The following DIP2C variants were observed in gnomAD, a reference collection of about 807,000 sequenced individuals.
DIP2C encodes the protein DIP2 acetate--CoA ligase C (putative).
DIP2C carries 33 observed loss-of-function variants against 192.4 expected under a neutral mutation model. That is an observed-to-expected ratio of 0.17 (90% confidence interval 0.13 to 0.23). The LOEUF is 0.23. Among genes scored for constraint, DIP2C ranks in the 10% least tolerant of loss-of-function variants. DIP2C has a pLI of 1.00. For synonymous variants in DIP2C, 979 were observed against 864.1 expected, an observed-to-expected ratio of 1.13 and a Z score of -2.33; for missense variants, 1,537 against 2,110.1, an observed-to-expected ratio of 0.73 and a Z score of 5.32.
intron 28 of DIP2C, among the ~76,000 whole-genome samples, chr10:342,649 C>T (rs998393608): frequency 3.3e-5 from 5 of 152,150 alleles, no homozygotes; most frequent in African/African-American, 1.2e-4. Flanking sequence ...TGAAGGCTCA[C>T]AGAAGTTAAA....
chr10:504,873 G>A (rs1376108641), intron 1 of DIP2C, among the ~76,000 whole-genome samples: 4 of 152,088 alleles, frequency 2.6e-5, no homozygotes, highest in African/African-American at 7.2e-5. Context: ...CAGCGGTGCT[G>A]ACCCCGTCAT....
At chr10:600,385 G>A (rs751076571) in intron 1 of DIP2C, among the ~76,000 whole-genome samples, 11 of 151,830 alleles carry the variant, frequency 7.2e-5, no homozygotes, top group Non-Finnish European at 1.2e-4. Context: ...GCCTGAATGT[G>A]GGAACATGGA....
chr10:623,931 TAC>T (rs1854037354), intron 1 of DIP2C, among the ~76,000 whole-genome samples: 1 of 152,192 alleles, frequency 6.6e-6, no homozygotes, highest in African/African-American at 2.4e-5. Flanking sequence ...TCACAGATTA[TAC>T]AGTCATTAAA....
chr10:528,060 G>A (rs913746348), intron 1 of DIP2C, among the ~76,000 whole-genome samples: 1 of 152,166 alleles, frequency 6.6e-6, no homozygotes, highest in South Asian at 2.1e-4. Context: ...TGTAGGGCAG[G>A]TGTCTGGAAG....
chr10:579,076 T>A (rs183571731), intron 1 of DIP2C, among the ~76,000 whole-genome samples: 1 of 152,072 alleles, frequency 6.6e-6, no homozygotes, highest in South Asian at 2.1e-4. Flanking sequence ...TGTATGTGCA[T>A]AGAGCATACA....
chr10:530,596 T>G (rs1588399487), intron 1 of DIP2C, among the ~76,000 whole-genome samples: 1 of 144,198 alleles, frequency 6.9e-6, no homozygotes. Flanking sequence ...GGTGGGAGGG[T>G]TGCTTGAGGC....
intron 1 of DIP2C, among the ~76,000 whole-genome samples, chr10:543,086 C>T (rs980056824): frequency 3.9e-5 from 6 of 151,992 alleles, no homozygotes; most frequent in South Asian, 2.1e-4. Flanking sequence ...CCAACACATG[C>T]GGCTCTGGCA....
At chr10:565,335 T>A (rs1216889154) in intron 1 of DIP2C, among the ~76,000 whole-genome samples, 6 of 129,646 alleles carry the variant, frequency 4.6e-5, no homozygotes, top group Non-Finnish European at 7.7e-5. Flanking sequence ...CCTAAAAATA[T>A]GAAACAGTAC....
chr10:353,707 C>T (rs1188172727), intron 24 of DIP2C, among the ~76,000 whole-genome samples: 1 of 152,200 alleles, frequency 6.6e-6, no homozygotes, highest in African/African-American at 2.4e-5. Context: ...CTTGTGACTA[C>T]ACGGCCAGCA....
chr10:578,859 G>A (rs533861425), intron 1 of DIP2C, among the ~76,000 whole-genome samples: 7 of 152,102 alleles, frequency 4.6e-5, no homozygotes, highest in Non-Finnish European at 8.8e-5. Flanking sequence ...ACGTACATAG[G>A]TACACTAACA....
At chr10:288,703 T>A (rs1393450288) in intron 32 of DIP2C, among the ~76,000 whole-genome samples, 1 of 152,146 alleles carries the variant, frequency 6.6e-6, no homozygotes, top group East Asian at 1.9e-4. Context: ...CACTTAGCAT[T>A]TTCAGAAAAG....
chr10:645,178 C>T (rs538607385), intron 1 of DIP2C, among the ~76,000 whole-genome samples: 2 of 152,320 alleles, frequency 1.3e-5, no homozygotes, highest in Admixed American at 6.5e-5. Flanking sequence ...AAGATGAGGA[C>T]ATGGCATCCG....
intron 1 of DIP2C, among the ~76,000 whole-genome samples, chr10:519,295 C>A (rs1223133817): frequency 1.3e-5 from 2 of 152,200 alleles, no homozygotes; most frequent in African/African-American, 4.8e-5. Flanking sequence ...GACAGGGGAG[C>A]CCCTGGGATG....
At chr10:438,653 G>A (rs1376378302) in intron 4 of DIP2C, among the ~76,000 whole-genome samples, 2 of 151,754 alleles carry the variant, frequency 1.3e-5, no homozygotes, top group Non-Finnish European at 2.9e-5. Flanking sequence ...ACCATGCCTG[G>A]CTGATTTCTG....
chr10:374,207 A>G (rs1961311316), intron 17 of DIP2C, among the ~76,000 whole-genome samples: 1 of 152,200 alleles, frequency 6.6e-6, no homozygotes, highest in African/African-American at 2.4e-5. Flanking sequence ...ATTTTCTTTC[A>G]TTCAATTTTT....
chr10:546,277 T>TAAAA (rs370870788), intron 1 of DIP2C, among the ~76,000 whole-genome samples: 1 of 109,414 alleles, frequency 9.1e-6, no homozygotes, highest in Non-Finnish European at 1.7e-5. Flanking sequence ...GCAAGACTCT[T>TAAAA]AAAAAAAAAA....
intron 29 of DIP2C, chr10:340,887 T>C: frequency 2.1e-6 from 1 of 480,958 alleles, no homozygotes; most frequent in South Asian, 1.5e-5. Context: ...CCCAGCACCA[T>C]CGCCAGGTTT....
intron 32 of DIP2C, among the ~76,000 whole-genome samples, chr10:301,994 C>T (rs1029820794): frequency 1.4e-5 from 2 of 146,182 alleles, no homozygotes; most frequent in African/African-American, 5.2e-5. Flanking sequence ...AAGTAGACTG[C>T]AAGTTCTATT....
intron 17 of DIP2C, among the ~76,000 whole-genome samples, chr10:375,182 G>A (rs890712325): frequency 2.0e-5 from 3 of 152,234 alleles, no homozygotes; most frequent in Admixed American, 2.0e-4. Flanking sequence ...AACAATGCAG[G>A]TGGGCCTGTT....
Sources: gnomAD v4.1 joint callset for allele counts (sites outside exome capture counted in the v4.1 genomes callset) on GRCh38, gnomAD v4.1.1 for gene constraint, MANE v1.5 for transcripts, NCBI Gene and HGNC (gene_info 2026-07-23, HGNC 2026-07-21) for gene names.